Variants in TRAF3IP1 observed in about 807,000 individuals in gnomAD.
TRAF3IP1 encodes TRAF3-interacting protein 1.
In TRAF3IP1, 53 loss-of-function variants were observed where a neutral mutation model predicts 89.9. That is an observed-to-expected ratio of 0.59 (90% CI 0.47 to 0.74). The LOEUF is 0.74. Ranked by LOEUF, TRAF3IP1 falls within the 30% of genes least tolerant of loss-of-function variation. The pLI is 0.00. For missense variants in TRAF3IP1, 806 were observed against 866.1 expected (o/e 0.93, Z 0.87); for synonymous variants, 311 against 322.1 (o/e 0.97, Z 0.37).
chr2:238,388,826 G>A (rs1700883270), intron 15 of TRAF3IP1, among the ~76,000 whole-genome samples: 1 of 151,940 alleles, frequency 6.6e-6, no homozygotes, highest in Non-Finnish European at 1.5e-5. Context: ...TAGAGATGGA[G>A]TTTCACCACG....
chr2:238,368,507 T>C (rs976666186), intron 15 of TRAF3IP1, among the ~76,000 whole-genome samples: 5 of 152,154 alleles, frequency 3.3e-5, no homozygotes, highest in African/African-American at 9.7e-5. Context: ...TGATAATACT[T>C]ACAATACTTG....
At chr2:238,353,411 C>T (rs1699262948) in intron 14 of TRAF3IP1, among the ~76,000 whole-genome samples, 2 of 152,174 alleles carry the variant, frequency 1.3e-5, no homozygotes, top group Admixed American at 1.3e-4. Context: ...GCTCCCCATC[C>T]TTAGAGGAGG....
chr2:238,333,353 C>T (rs1397998400), intron 6 of TRAF3IP1, among the ~76,000 whole-genome samples: 3 of 152,066 alleles, frequency 2.0e-5, no homozygotes, highest in Admixed American at 6.6e-5. Flanking sequence ...CCACGTGGGC[C>T]GTCTTGTGGA....
rs747480411 is a variant in TRAF3IP1 at position 238,328,746 on chromosome 2, C to T, written c.415C>T (p.Arg139Trp). ...LAGEKGEVKGRASLTSRSQEL... is the reference protein window; with the variant it reads ...LAGEKGEVKGWASLTSRSQEL... ...TGGAGAGAAGGGAGAAGTGAAAGGC[C>T]GGGCCTCACTGACCTCAAGATCTCA... Residue 139 changes from arginine (R) to tryptophan (W), a missense_variant, in exon 4 of 17, where the codon CGG (arginine) becomes TGG (tryptophan). Physicochemically the swap from Arg to Trp is moderately radical, Grantham distance 101. Transcript: ENST00000373327. 1.1e-5 allele frequency: 17 copies of T among 1,613,742 alleles called. No homozygotes were observed. The highest frequency in any genetic ancestry group is 2.7e-5 in the African/African-American group (2 of 74,784).
chr2:238,340,139 G>A (rs1462446171), intron 8 of TRAF3IP1, among the ~76,000 whole-genome samples: 1 of 152,124 alleles, frequency 6.6e-6, no homozygotes. Context: ...TCCTCCCCCC[G>A]ACCCTGGCCC....
chr2:238,366,407 G>T (rs1574946973), intron 15 of TRAF3IP1, among the ~76,000 whole-genome samples: 1 of 151,660 alleles, frequency 6.6e-6, no homozygotes, highest in East Asian at 1.9e-4. Flanking sequence ...GACAAATAAA[G>T]TTCATGATAA....
chr2:238,327,179 G>T (rs1053676698), intron 3 of TRAF3IP1, among the ~76,000 whole-genome samples: 1 of 152,156 alleles, frequency 6.6e-6, no homozygotes, highest in Non-Finnish European at 1.5e-5. Context: ...GCTGTCTCCC[G>T]TCGGCCTCTT....
intron 3 of TRAF3IP1, among the ~76,000 whole-genome samples, chr2:238,327,052 G>C (rs1022362802): frequency 4.6e-5 from 7 of 152,238 alleles, no homozygotes; most frequent in African/African-American, 1.7e-4. Context: ...CCATGGCACA[G>C]CTTGTGAGGC....
At chr2:238,322,122 G>A (rs558205432) in intron 1 of TRAF3IP1, among the ~76,000 whole-genome samples, 1 of 152,250 alleles carries the variant, frequency 6.6e-6, no homozygotes, top group Non-Finnish European at 1.5e-5. Context: ...GTGGGAGGGG[G>A]ACAATGTGCC....
intron 7 of TRAF3IP1, 43 bp downstream of exon 7, chr2:238,334,078 G>GTTTTTTTTTTTTTTTTTT (rs5839695): frequency 3.7e-6 from 4 of 1,089,730 alleles, no homozygotes; most frequent in Non-Finnish European, 2.6e-6. Context: ...ATGGATATTA[G>GTTTTTTTTTTTTTTTTTT]TTTTTTTTTT....
At position 238,397,372 on chromosome 2, in the gene TRAF3IP1, C is replaced by A. The variant is rs895865725; in HGVS notation, c.1690-87C>A. On this transcript the variant is annotated intron_variant, in intron 15 of 16. Transcript: ENST00000373327. ...CTCTGCCTGCGCCTTTCCTCCCAGCCCCATGGCCGTGTGCTGAGTGCACCG... is the reference window on the plus strand; with the variant it reads ...CTCTGCCTGCGCCTTTCCTCCCAGCACCATGGCCGTGTGCTGAGTGCACCG... 4.2e-6 allele frequency: 5 copies of A among 1,204,290 alleles called. No homozygotes were observed. The African/African-American group carries it at 6.0e-5, about 14-fold the overall frequency. 74.6% of individuals were successfully genotyped at this position (1,204,290 alleles called of 1,614,324 possible).
intron 15 of TRAF3IP1, among the ~76,000 whole-genome samples, chr2:238,384,170 A>T (rs1700659873): frequency 6.6e-6 from 1 of 151,470 alleles, no homozygotes; most frequent in Non-Finnish European, 1.5e-5. Flanking sequence ...CCCACACAAG[A>T]TCTGGGGCAC....
At chr2:238,382,999 A>G (rs192376916) in intron 15 of TRAF3IP1, among the ~76,000 whole-genome samples, 29 of 151,964 alleles carry the variant, frequency 1.9e-4, no homozygotes, top group African/African-American at 7.0e-4. Context: ...CAAGTCCGAA[A>G]TCCTCACCAC....
rs1701357954 is a variant in TRAF3IP1 at position 238,398,851 on chromosome 2, A to G, written c.2008A>G (p.Asn670Asp). ...QQDKICAVKA[N>D]ILKNEEKIQK... ...AGACAAGATCTGTGCTGTGAAGGCCAACATCCTCAAGAATGAAGAAAAAAT... is the reference window on the plus strand; with the variant it reads ...AGACAAGATCTGTGCTGTGAAGGCCGACATCCTCAAGAATGAAGAAAAAAT... Residue 670 changes from asparagine to aspartate, a missense_variant, in exon 17 of 17, where the codon AAC becomes GAC. Asn to Asp is a conservative substitution (Grantham distance 23). Around this residue, in one of 3 missense-constraint regions of TRAF3IP1, gnomAD observed 70 missense variants for 67.8 expected, o/e 1.03. Transcript: ENST00000373327. The G allele has an allele frequency of 2.5e-6, 4 of 1,613,606 alleles. No individual in the cohort carries two copies. The highest frequency in any genetic ancestry group is 3.4e-6 in the Non-Finnish European group (4 of 1,179,772).
intron 15 of TRAF3IP1, among the ~76,000 whole-genome samples, chr2:238,381,140 TA>T (rs1187591900): frequency 6.5e-5 from 9 of 138,506 alleles, no homozygotes; most frequent in African/African-American, 1.7e-4. Flanking sequence ...TTTATTTATT[TA>T]TTTTTTTTTT....
At chr2:238,371,376 AG>A (rs1700106313) in intron 15 of TRAF3IP1, among the ~76,000 whole-genome samples, 2 of 152,254 alleles carry the variant, frequency 1.3e-5, no homozygotes, top group Admixed American at 1.3e-4. Flanking sequence ...AAAGAACCAA[AG>A]TCAGATTTGC....
At chr2:238,371,841 T>C (rs1700123626) in intron 15 of TRAF3IP1, among the ~76,000 whole-genome samples, 1 of 152,262 alleles carries the variant, frequency 6.6e-6, no homozygotes. Flanking sequence ...TGTTTCTTTT[T>C]ACTTTTAAAG....
chr2:238,392,845 G>T (rs545678217), intron 15 of TRAF3IP1, among the ~76,000 whole-genome samples: 1 of 152,304 alleles, frequency 6.6e-6, no homozygotes, highest in South Asian at 2.1e-4. Context: ...CAAAGTGCTG[G>T]GATTGCAGGC....
At chr2:238,369,617 A>C (rs770822026) in intron 15 of TRAF3IP1, among the ~76,000 whole-genome samples, 6 of 150,594 alleles carry the variant, frequency 4.0e-5, no homozygotes, top group Non-Finnish European at 8.8e-5. Flanking sequence ...TCCAGAAACG[A>C]GGCTGTGCTG....
Sources: allele counts gnomAD v4.1 joint callset (sites outside exome capture counted in the v4.1 genomes callset), GRCh38; gene constraint gnomAD v4.1.1; regional missense constraint gnomAD v4.1.1; transcripts MANE v1.5; gene names NCBI Gene and HGNC (gene_info 2026-07-23, HGNC 2026-07-21).